Variants in NEBL observed in about 807,000 individuals in gnomAD.
NEBL encodes LIM and SH3 protein 2.
A neutral mutation model predicts 140.2 loss-of-function variants in NEBL; 122 were observed. The observed-to-expected ratio is 0.87, with a 90% CI of 0.75 to 1.01. The LOEUF is 1.01. Ranked by LOEUF, NEBL falls within the 50% of genes least tolerant of loss-of-function variation. The pLI, the probability that NEBL is intolerant of heterozygous loss-of-function variation, is 0.00. For synonymous variants in NEBL, 436 were observed against 398.9 expected, an observed-to-expected ratio of 1.09 and a Z score of -1.11; for missense variants, 1,365 against 1,231.3, an observed-to-expected ratio of 1.11 and a Z score of -1.62.
rs145269711 is a variant in NEBL at position 20,859,751 on chromosome 10, A to G, written c.760T>C (p.Phe254Leu). 2 of 1,604,500 alleles carry G rather than the reference A, an allele frequency of 1.2e-6. No homozygotes were observed. Among genetic ancestry groups the G allele is most frequent in the Non-Finnish European group, 8.5e-7 (1 of 1,172,164 alleles). Residue 254 changes from phenylalanine (F) to leucine (L), a missense_variant, in exon 8 of 28, where the codon TTT (phenylalanine) becomes CTT (leucine). Around this residue, in one of 2 missense-constraint regions of NEBL, gnomAD observed 1,323 missense variants for 1,154.8 expected, o/e 1.15. Transcript: ENST00000377122. Reference sequence around the variant, plus strand: ...GTAGCAGCAAGCTGATTCTGCCTAAAAGAAGCACTTTCAAGAGGATTGTAA... The same window carrying G: ...GTAGCAGCAAGCTGATTCTGCCTAAGAGAAGCACTTTCAAGAGGATTGTAA... ...HHYNPLESASFRQNQLAATLA... is the reference protein window; with the variant it reads ...HHYNPLESASLRQNQLAATLA...
At chr10:20,868,834 CAA>C (rs5783755) in intron 6 of NEBL, 69 bp from the exon 7 acceptor site, 114,969 of 601,366 alleles carry the variant, frequency 0.19, 2 homozygotes, top group South Asian at 0.26. Context: ...TGACATTAGC[CAA>C]AAAAAAAAAA....
At chr10:21,052,479 A>G (rs1834820125) in intron 2 of NEBL, among the ~76,000 whole-genome samples, 1 of 152,202 alleles carries the variant, frequency 6.6e-6, no homozygotes. Flanking sequence ...AGCCTTGCTC[A>G]GGATCTACAA....
chr10:21,040,359 G>T (rs901218911), intron 2 of NEBL, among the ~76,000 whole-genome samples: 6 of 152,102 alleles, frequency 3.9e-5, no homozygotes, highest in Non-Finnish European at 7.4e-5. Context: ...AAAGAAAGAG[G>T]GTTTATTTGG....
At position 20,930,631 on chromosome 10, in the gene NEBL, G is replaced by A. The variant is rs562097617; in HGVS notation, c.357+31041C>T. 1.4e-4 allele frequency among the ~76,000 whole-genome samples: 21 copies of A among 152,190 alleles called. No homozygotes were observed. In the South Asian group the frequency reaches 4.4e-3, roughly 32 times the overall value. The stretch of plus-strand genomic sequence containing the variant: ...TCAGTCCAGCTTTCTCTCCACTGAT[G>A]ACACACCATCCTCCTTTTCACTGCA... On this transcript the variant is annotated intron_variant, in intron 4 of 6. Transcript: ENST00000417816.
intron 3 of NEBL, among the ~76,000 whole-genome samples, chr10:21,241,015 C>A (rs1177354685): frequency 6.6e-6 from 1 of 151,826 alleles, no homozygotes; most frequent in African/African-American, 2.4e-5. Context: ...ATTTTTGGGG[C>A]TTTCACGATC....
intron 3 of NEBL, among the ~76,000 whole-genome samples, chr10:20,992,277 T>G (rs1837486754): frequency 6.6e-6 from 1 of 152,220 alleles, no homozygotes; most frequent in Non-Finnish European, 1.5e-5. Flanking sequence ...ATTCCTAAGT[T>G]TCATCAATTT....
intron 5 of NEBL, among the ~76,000 whole-genome samples, chr10:20,871,346 T>C (rs1031709079): frequency 2.0e-5 from 3 of 152,222 alleles, no homozygotes; most frequent in African/African-American, 7.2e-5. Flanking sequence ...ATGAATTCCC[T>C]AGCTGACTGC....
intron 1 of NEBL, among the ~76,000 whole-genome samples, chr10:21,276,935 C>T (rs1842931859): frequency 6.6e-6 from 1 of 151,790 alleles, no homozygotes; most frequent in South Asian, 2.1e-4. Flanking sequence ...TGCCAGTGTA[C>T]TCCAGCCTGG....
chr10:21,013,256 T>C (rs1321337999), intron 3 of NEBL, among the ~76,000 whole-genome samples: 1 of 152,210 alleles, frequency 6.6e-6, no homozygotes, highest in Non-Finnish European at 1.5e-5. Flanking sequence ...CATTCCTCTA[T>C]GTGAAACGTA....
rs115770230 is a variant in NEBL at position 21,202,759 on chromosome 10, C to A, written n.349-30282G>T. ...TACAGGCGTGAGCCACCACGCCCGG[C>A]CTTCCACCTTCTAATTTTTCTTATT... On this transcript the variant is annotated intron_variant and non_coding_transcript_variant, in intron 3 of 8. Coordinates refer to the NEBL transcript ENST00000675702. 8.2e-3 allele frequency among the ~76,000 whole-genome samples: 1,246 copies of A among 152,258 alleles called. 17 individuals carry two copies. The highest frequency in any genetic ancestry group is 0.029 in the African/African-American group (1,194 of 41,540).
chr10:20,790,900 G>A (rs1588602113), intron 26 of NEBL, among the ~76,000 whole-genome samples: 3 of 152,164 alleles, frequency 2.0e-5, no homozygotes, highest in Admixed American at 2.0e-4. Context: ...AAAGTAAGAT[G>A]TCAGGTTCAT....
At chr10:21,229,328 G>A (rs1347762554) in intron 3 of NEBL, among the ~76,000 whole-genome samples, 2 of 152,168 alleles carry the variant, frequency 1.3e-5, no homozygotes, top group Non-Finnish European at 2.9e-5. Flanking sequence ...AACTGACGTG[G>A]GAGAATCACT....
chr10:20,843,458 G>T (rs2130991915), intron 12 of NEBL, among the ~76,000 whole-genome samples: 2 of 151,848 alleles, frequency 1.3e-5, no homozygotes, highest in Non-Finnish European at 2.9e-5. Context: ...AAAAGAAAAA[G>T]GCAATGGCAC....
At chr10:21,029,854 G>T in intron 2 of NEBL, 1 of 682,532 alleles carries the variant, frequency 1.5e-6, no homozygotes, top group Non-Finnish European at 2.7e-6. Context: ...TTGGCAGTGG[G>T]TACCCAGGGA....
At position 20,865,501 on chromosome 10, in the gene NEBL, C is replaced by T. The variant is rs544725869; in HGVS notation, c.684+3163G>A. Among the ~76,000 whole-genome samples, 7 of 152,222 alleles carry T rather than the reference C, an allele frequency of 4.6e-5. No homozygotes were observed. In the South Asian group the frequency reaches 1.5e-3, roughly 32 times the overall value. On this transcript the variant is annotated intron_variant, in intron 7 of 27. Transcript: ENST00000377122. ...CAGCTCCAGGGTACATTTTCTTAACCACTAGACCAAACCATACTGCTTCTC... is the reference window on the plus strand; with the variant it reads ...CAGCTCCAGGGTACATTTTCTTAACTACTAGACCAAACCATACTGCTTCTC...
intron 3 of NEBL, among the ~76,000 whole-genome samples, chr10:21,227,717 C>CT (rs1322456029): frequency 7.1e-3 from 675 of 94,724 alleles, no homozygotes; most frequent in East Asian, 0.011. Context: ...CTTCTTTCTT[C>CT]TTCTTCTTCT....
intron 2 of NEBL, among the ~76,000 whole-genome samples, chr10:21,105,148 A>G (rs939937297): frequency 1.3e-5 from 2 of 152,068 alleles, no homozygotes; most frequent in African/African-American, 4.8e-5. Flanking sequence ...ACTTTTACAT[A>G]CGTGTTCATG....
chr10:21,097,454 G>C (rs1038714468), intron 2 of NEBL, among the ~76,000 whole-genome samples: 2 of 152,094 alleles, frequency 1.3e-5, no homozygotes, highest in African/African-American at 2.4e-5. Context: ...GTGAGACTCT[G>C]TCCCCAAAAA....
At chr10:21,106,722 G>A (rs1463824713) in intron 2 of NEBL, among the ~76,000 whole-genome samples, 1 of 152,174 alleles carries the variant, frequency 6.6e-6, no homozygotes, top group Admixed American at 6.5e-5. Flanking sequence ...ATTCTGTGAA[G>A]AAAGTCAGTA....
Sources: gnomAD v4.1 joint callset for allele counts (sites outside exome capture counted in the v4.1 genomes callset) on GRCh38, gnomAD v4.1.1 for gene constraint, gnomAD v4.1.1 regional missense constraint, MANE v1.5 for transcripts, NCBI Gene and HGNC (gene_info 2026-07-23, HGNC 2026-07-21) for gene names.